ERC2: variants seen among roughly 807,000 people sequenced by gnomAD.
ERC2 encodes ELKS/RAB6-interacting/CAST family member 2, also known as ERC protein 2.
ERC2 carries 42 observed loss-of-function variants against 114.8 expected under a neutral mutation model. The ratio of observed to expected loss-of-function variants is 0.37; its 90% CI spans 0.29 to 0.47. The LOEUF (loss-of-function observed/expected upper bound fraction) is 0.47, where lower values mean the gene tolerates loss of function less well. Among genes scored for constraint, ERC2 ranks in the 20% least tolerant of loss-of-function variants. The pLI is 0.99. For synonymous variants in ERC2, 454 were observed against 425.5 expected, an observed-to-expected ratio of 1.07 and a Z score of -0.82; for missense variants, 939 against 1,150.7, an observed-to-expected ratio of 0.82 and a Z score of 2.66.
At chr3:56,421,752 G>A (rs767642455) in intron 2 of ERC2, among the ~76,000 whole-genome samples, 38 of 152,148 alleles carry the variant, frequency 2.5e-4, no homozygotes, top group Middle Eastern at 6.8e-3. Context: ...CCCGATTCCC[G>A]CTCCATGTGA....
chr3:55,950,627 T>C (rs2067433839), intron 12 of ERC2, 67 bp from the exon 13 acceptor site: 1 of 1,565,912 alleles, frequency 6.4e-7, no homozygotes, highest in African/African-American at 1.4e-5. Context: ...CACAAATAGA[T>C]TCAGGAAGTA....
intron 2 of ERC2, among the ~76,000 whole-genome samples, chr3:56,413,750 TC>T (rs2107142546): frequency 6.6e-6 from 1 of 152,366 alleles, no homozygotes; most frequent in African/African-American, 2.4e-5. Context: ...TTATTGAATT[TC>T]CTAACACTCT....
At chr3:56,023,386 C>A (rs1240316719) in intron 7 of ERC2, among the ~76,000 whole-genome samples, 2 of 152,218 alleles carry the variant, frequency 1.3e-5, no homozygotes, top group East Asian at 3.9e-4. Context: ...TCAGCCAAGC[C>A]CTGGCCCTGC....
At chr3:56,384,644 AT>A (rs1194086487) in intron 2 of ERC2, among the ~76,000 whole-genome samples, 1 of 152,074 alleles carries the variant, frequency 6.6e-6, no homozygotes, top group African/African-American at 2.4e-5. Flanking sequence ...ATTTTCTCCC[AT>A]TCTGTGGACT....
intron 1 of ERC2, among the ~76,000 whole-genome samples, chr3:56,444,354 A>C (rs2062463070): frequency 1.3e-5 from 2 of 152,142 alleles, no homozygotes; most frequent in Admixed American, 6.5e-5. Context: ...TACAGAAACA[A>C]ATAAATGTTG....
intron 2 of ERC2, among the ~76,000 whole-genome samples, chr3:56,399,729 A>AAAT (rs1225460570): frequency 6.6e-6 from 1 of 152,028 alleles, no homozygotes; most frequent in Non-Finnish European, 1.5e-5. Flanking sequence ...TACCCTGAAG[A>AAAT]AATAACTTTC....
intron 6 of ERC2, among the ~76,000 whole-genome samples, chr3:56,110,231 T>TTA (rs758480804): frequency 1.3e-5 from 2 of 152,158 alleles, no homozygotes; most frequent in African/African-American, 2.4e-5. Context: ...TGCTGAGGTA[T>TTA]TATAATAGGT....
chr3:56,289,993 G>C (rs1005308312), intron 3 of ERC2, among the ~76,000 whole-genome samples: 1 of 152,156 alleles, frequency 6.6e-6, no homozygotes, highest in African/African-American at 2.4e-5. Flanking sequence ...GACAATACTT[G>C]ATAATTATGA....
intron 13 of ERC2, among the ~76,000 whole-genome samples, chr3:55,946,735 A>G (rs2067146292): frequency 6.6e-6 from 1 of 152,128 alleles, no homozygotes; most frequent in Non-Finnish European, 1.5e-5. Flanking sequence ...GTTCAACTCC[A>G]CGGTTCTGCA....
Position 55,758,486 on chromosome 3 carries a change from A to G in ERC2, c.2565-23568T>C, listed in dbSNP as rs545162036. ...ATCACCAAAGGTGAGGGGCAGACCAATGAGGAGGAGGGCTTGCTGCCATCC... is the reference window on the plus strand; with the variant it reads ...ATCACCAAAGGTGAGGGGCAGACCAGTGAGGAGGAGGGCTTGCTGCCATCC... On this transcript the variant is annotated intron_variant, in intron 14 of 17. Transcript: ENST00000288221. Among the ~76,000 whole-genome samples the G allele has an allele frequency of 4.4e-3, 670 of 152,302 alleles. 2 individuals carry two copies. Among genetic ancestry groups the G allele is most frequent in the Non-Finnish European group, 8.1e-3 (554 of 68,020 alleles).
intron 17 of ERC2, among the ~76,000 whole-genome samples, chr3:55,567,745 T>C (rs941677724): frequency 6.6e-6 from 1 of 152,046 alleles, no homozygotes; most frequent in African/African-American, 2.4e-5. Flanking sequence ...CAGTGGCCAA[T>C]GGAAGCAGGA....
At chr3:55,608,239 C>T (rs2058729343) in intron 17 of ERC2, among the ~76,000 whole-genome samples, 1 of 152,156 alleles carries the variant, frequency 6.6e-6, no homozygotes, top group Non-Finnish European at 1.5e-5. Context: ...AAACAAAACC[C>T]TCACTTCTAA....
intron 17 of ERC2, among the ~76,000 whole-genome samples, chr3:55,615,440 C>T (rs2059084363): frequency 6.6e-6 from 1 of 152,142 alleles, no homozygotes; most frequent in African/African-American, 2.4e-5. Flanking sequence ...ACTGCACAGC[C>T]CTCTTGTCCT....
At chr3:55,647,433 C>T (rs924059199) in intron 17 of ERC2, among the ~76,000 whole-genome samples, 4 of 152,098 alleles carry the variant, frequency 2.6e-5, no homozygotes, top group Non-Finnish European at 5.9e-5. Flanking sequence ...CACAGGCGCA[C>T]CCACAAATAC....
chr3:56,348,839 A>G (rs2058411583), intron 2 of ERC2, among the ~76,000 whole-genome samples: 1 of 149,842 alleles, frequency 6.7e-6, no homozygotes, highest in East Asian at 2.0e-4. Context: ...TTACCCTACC[A>G]CTTTTCTAAG....
chr3:55,965,709 A>T lies in ERC2; in HGVS notation c.2268-15149T>A, dbSNP rs2068704758. 2.0e-5 allele frequency among the ~76,000 whole-genome samples: 3 copies of T among 152,188 alleles called. No individual in the cohort carries two copies. The South Asian group carries it at 6.2e-4, about 32-fold the overall frequency. Reference sequence around the variant, plus strand: ...GCTCAATGGGGGGTTACGGTAATTTATGCATCCTTACACTTTCCCAAGTAT... The same window carrying T: ...GCTCAATGGGGGGTTACGGTAATTTTTGCATCCTTACACTTTCCCAAGTAT... On this transcript the variant is annotated intron_variant, in intron 12 of 17. Coordinates refer to ENST00000288221, the MANE Select transcript of ERC2 (RefSeq NM_015576.3).
chr3:56,412,270 C>A (rs900127481), intron 2 of ERC2, among the ~76,000 whole-genome samples: 2 of 152,212 alleles, frequency 1.3e-5, no homozygotes, highest in African/African-American at 4.8e-5. Flanking sequence ...CAGAAGGAAC[C>A]AACCATGCCA....
At chr3:55,744,847 C>T (rs1027883390) in intron 14 of ERC2, among the ~76,000 whole-genome samples, 2 of 152,214 alleles carry the variant, frequency 1.3e-5, no homozygotes, top group African/African-American at 2.4e-5. Context: ...AGTCAAGACC[C>T]TCTACCGGTA....
At chr3:56,072,666 T>C (rs1007601549) in intron 7 of ERC2, among the ~76,000 whole-genome samples, 3 of 152,196 alleles carry the variant, frequency 2.0e-5, no homozygotes, top group Non-Finnish European at 2.9e-5. Flanking sequence ...AATGTGAATA[T>C]AGAAATAAGA....
Sources: allele counts gnomAD v4.1 joint callset (sites outside exome capture counted in the v4.1 genomes callset), GRCh38; gene constraint gnomAD v4.1.1; transcripts MANE v1.5; gene names NCBI Gene and HGNC (gene_info 2026-07-23, HGNC 2026-07-21).